The following ZC3H4 variants were observed in gnomAD, a reference collection of about 807,000 sequenced individuals.
The protein encoded by ZC3H4 is zinc finger CCCH domain-containing protein 4.
Under a neutral mutation model 108.3 loss-of-function variants are expected in ZC3H4, and 13 were observed. The observed-to-expected ratio is 0.12, with a 90% CI of 0.08 to 0.19. ZC3H4 has a LOEUF of 0.19. ZC3H4 is among the 10% of genes least tolerant of loss of function. ZC3H4 has a pLI of 1.00. For synonymous variants in ZC3H4, 917 were observed against 749.6 expected, an observed-to-expected ratio of 1.22 and a Z score of -3.65; for missense variants, 1,734 against 1,838.8, an observed-to-expected ratio of 0.94 and a Z score of 1.04.
intron 2 of ZC3H4, among the ~76,000 whole-genome samples, chr19:47,102,114 G>C (rs567458721): frequency 2.0e-5 from 3 of 152,200 alleles, no homozygotes; most frequent in African/African-American, 7.2e-5. Flanking sequence ...TCCCCAAGCA[G>C]TTATTTAATA....
At chr19:47,091,591 A>T (rs565951473) in intron 4 of ZC3H4, among the ~76,000 whole-genome samples, 272 of 136,290 alleles carry the variant, frequency 2.0e-3, no homozygotes, top group African/African-American at 7.1e-3. Context: ...AATTAAAATT[A>T]AAAAAAAAAA....
chr19:47,073,133 C>T (rs1216340587), intron 11 of ZC3H4, among the ~76,000 whole-genome samples: 1 of 151,596 alleles, frequency 6.6e-6, no homozygotes, highest in Non-Finnish European at 1.5e-5. Context: ...ATTAGCCAGG[C>T]ATGGTAGTGC....
chr19:47,100,898 A>G (rs1253343609), intron 2 of ZC3H4, among the ~76,000 whole-genome samples: 1 of 151,964 alleles, frequency 6.6e-6, no homozygotes, highest in Non-Finnish European at 1.5e-5. Context: ...GGGTTTCGCC[A>G]TGTTGGCCAG....
At chr19:47,098,653 A>C (rs1390133298) in intron 2 of ZC3H4, among the ~76,000 whole-genome samples, 1 of 151,946 alleles carries the variant, frequency 6.6e-6, no homozygotes, top group Non-Finnish European at 1.5e-5. Flanking sequence ...AGCCCCAGCT[A>C]CTCAGGAGGC....
At chr19:47,095,086 C>G (rs1418670961) in intron 2 of ZC3H4, among the ~76,000 whole-genome samples, 1 of 152,216 alleles carries the variant, frequency 6.6e-6, no homozygotes. Flanking sequence ...CCAGGGAGCA[C>G]AGACCCACAT....
At chr19:47,112,647 G>A (rs1266222080) in intron 1 of ZC3H4, 58 bp from the exon 2 acceptor site, 4 of 1,177,454 alleles carry the variant, frequency 3.4e-6, no homozygotes, top group Non-Finnish European at 4.3e-6. Flanking sequence ...GTGGCGGGAG[G>A]GGCACACTTA....
chr19:47,084,265 G>T (rs911973327), intron 9 of ZC3H4, 80 bp downstream of exon 9: 7 of 1,370,586 alleles, frequency 5.1e-6, no homozygotes, highest in East Asian at 2.3e-5. Context: ...CCCTCACCAC[G>T]GCTCCAGAAC....
intron 11 of ZC3H4, among the ~76,000 whole-genome samples, chr19:47,080,503 G>A (rs1447267383): frequency 3.3e-5 from 5 of 152,038 alleles, no homozygotes; most frequent in Non-Finnish European, 7.4e-5. Context: ...GGTTTTTTGT[G>A]GTCTTTCTTG....
At chr19:47,108,471 C>T (rs1428399761) in intron 2 of ZC3H4, among the ~76,000 whole-genome samples, 1 of 152,212 alleles carries the variant, frequency 6.6e-6, no homozygotes, top group Non-Finnish European at 1.5e-5. Context: ...GACCCTCAGA[C>T]AGCCATTTCT....
chr19:47,109,469 C>T (rs1391587801), intron 2 of ZC3H4, among the ~76,000 whole-genome samples: 5 of 152,180 alleles, frequency 3.3e-5, no homozygotes, highest in African/African-American at 4.8e-5. Flanking sequence ...CTGTTCTCAG[C>T]TCCTGGAGAA....
intron 10 of ZC3H4, 27 bp from the exon 11 acceptor site, chr19:47,081,649 T>A (rs763068041): frequency 6.3e-7 from 1 of 1,593,942 alleles, no homozygotes; most frequent in South Asian, 1.1e-5. Context: ...GGTAAATGCT[T>A]CATCTCACAG....
At position 47,069,204 on chromosome 19, in the gene ZC3H4, C is replaced by A. The variant is rs945885183; in HGVS notation, c.2286G>T (p.Leu762=). 6 of 1,612,286 alleles carry A rather than the reference C, an allele frequency of 3.7e-6. No individual in the cohort carries two copies. The highest frequency in any genetic ancestry group is 1.6e-4 in the Middle Eastern group (1 of 6,062). Residue 762 remains leucine, a synonymous_variant, in exon 14 of 15, where the codon CTG becomes CTT. Transcript: ENST00000253048. ...GGTACAGGGCCCTCTGGGCTGAGGG[C>A]AGGAAGTCAGGGACACCGGCGCCTG... The part of the protein sequence containing the change: ...PKPGAGVPDF[L]PSAQRALYLR...
chr19:47,069,047 C>G (rs527790125), intron 14 of ZC3H4, 45 bp downstream of exon 14: 1 of 1,600,368 alleles, frequency 6.2e-7, no homozygotes, highest in Non-Finnish European at 8.5e-7. Flanking sequence ...CTCCCCTGCA[C>G]AGCGGCCTGG....
At chr19:47,098,618 G>T (rs905868118) in intron 2 of ZC3H4, among the ~76,000 whole-genome samples, 1 of 151,860 alleles carries the variant, frequency 6.6e-6, no homozygotes, top group African/African-American at 2.4e-5. Flanking sequence ...GCAAAAATTA[G>T]ACCAGTGAAG....
Position 47,112,512 on chromosome 19 carries a change from A to G in ZC3H4, c.73T>C (p.Ser25Pro). The G allele has an allele frequency of 1.8e-6, 2 of 1,090,000 alleles. No homozygotes were observed. The highest frequency in any genetic ancestry group is 2.3e-6 in the Non-Finnish European group (2 of 851,288). 67.5% of individuals were successfully genotyped at this position (1,090,000 alleles called of 1,614,324 possible). A position where few individuals can be genotyped will look rare whatever the true frequency, so the allele number is the denominator to read the frequency against. The stretch of plus-strand genomic sequence containing the variant: ...GAACACGGAGGAGGCGAAGGCGTTG[A>G]TGGCGGCGGCGGCGATGGCGGCGGC... ...SPPPPSPPPP[S>P]TPSPPPCSPD... The change falls in exon 2 of 15, where the codon TCA (serine) becomes CCA (proline). Residue 25 changes from serine (S) to proline (P), a missense_variant. By Grantham distance (74) the Ser-to-Pro change is moderately conservative. Transcript: ENST00000253048.
chr19:47,112,739 G>A, intron 1 of ZC3H4, 150 bp from the exon 2 acceptor site: 1 of 436,372 alleles, frequency 2.3e-6, no homozygotes, highest in Non-Finnish European at 3.8e-6. Context: ...CGCGTAGGCC[G>A]CACGGCCTAG....
Position 47,067,957 on chromosome 19 carries a change from C to T in ZC3H4, c.2399-88G>A. 1 of 1,313,556 alleles carries T rather than the reference C, an allele frequency of 7.6e-7. No homozygotes were observed. The highest frequency in any genetic ancestry group is 1.1e-6 in the Non-Finnish European group (1 of 952,294). 81.4% of individuals were successfully genotyped at this position (1,313,556 alleles called of 1,614,324 possible). ...TCCCACAGCAGCCCACCGTGAGCAGCTCCTTTGCTTGTGCCTCTCAGAACC... is the reference window on the plus strand; with the variant it reads ...TCCCACAGCAGCCCACCGTGAGCAGTTCCTTTGCTTGTGCCTCTCAGAACC... On this transcript the variant is annotated intron_variant, in intron 14 of 14. Transcript: ENST00000253048. The surrounding 1 kb of genome is among the most constrained non-coding windows in gnomAD (Gnocchi z 6.4).
intron 2 of ZC3H4, among the ~76,000 whole-genome samples, chr19:47,109,745 T>A (rs2058013833): frequency 6.6e-6 from 1 of 152,110 alleles, no homozygotes; most frequent in African/African-American, 2.4e-5. Flanking sequence ...TTTTTCCTTG[T>A]AAGAAGGAAA....
chr19:47,088,323 G>A (rs1272150626), intron 5 of ZC3H4, among the ~76,000 whole-genome samples: 5 of 151,526 alleles, frequency 3.3e-5, no homozygotes, highest in South Asian at 2.1e-4. Flanking sequence ...CGAGGTAGGC[G>A]GATCACGAGG....
Sources: gnomAD v4.1 joint callset for allele counts (sites outside exome capture counted in the v4.1 genomes callset) on GRCh38, gnomAD v4.1.1 for gene constraint, Gnocchi (gnomAD v3.1) non-coding constraint, MANE v1.5 for transcripts, NCBI Gene and HGNC (gene_info 2026-07-23, HGNC 2026-07-21) for gene names.